The following NAAA variants were observed in gnomAD, a reference collection of about 807,000 sequenced individuals.
NAAA encodes the protein N-acylethanolamine acid amidase.
Under a neutral mutation model 44.8 loss-of-function variants are expected in NAAA, and 39 were observed. The ratio of observed to expected loss-of-function variants is 0.87; its 90% CI spans 0.67 to 1.14. NAAA has a LOEUF of 1.14. Ranked by LOEUF, NAAA falls within the 50% of genes most tolerant of loss-of-function variation. The pLI is 0.00. For missense variants in NAAA, 460 were observed against 467.8 expected (o/e 0.98, Z 0.15); for synonymous variants, 178 against 191.3 (o/e 0.93, Z 0.58).
chr4:75,915,938 A>T (rs1191020633), intron 9 of NAAA, among the ~76,000 whole-genome samples: 1 of 152,214 alleles, frequency 6.6e-6, no homozygotes, highest in Non-Finnish European at 1.5e-5. Context: ...GGTTGTTCAG[A>T]AACAGGCAGA....
chr4:75,926,023 G>T (rs953356222), intron 4 of NAAA, among the ~76,000 whole-genome samples: 3 of 152,156 alleles, frequency 2.0e-5, no homozygotes, highest in Non-Finnish European at 4.4e-5. Flanking sequence ...ATCAAGGGAA[G>T]TGTCTTAATA....
At chr4:75,930,185 A>G (rs1328355787) in intron 4 of NAAA, among the ~76,000 whole-genome samples, 4 of 152,180 alleles carry the variant, frequency 2.6e-5, no homozygotes. Flanking sequence ...CTAAACTTCA[A>G]GATACTCCTT....
intron 1 of NAAA, 94 bp from the exon 2 acceptor site, chr4:75,940,259 G>T: frequency 1.4e-6 from 2 of 1,380,358 alleles, no homozygotes; most frequent in East Asian, 2.4e-5. Context: ...TCCTTAGGGC[G>T]TGAGGTCTCA....
In NAAA at chr4:75,940,090, G is replaced by A. The variant is rs1379233925; in HGVS notation, c.282C>T (p.Pro94=). 1 of 1,614,004 alleles carries A rather than the reference G, an allele frequency of 6.2e-7. No homozygotes were observed. The highest frequency in any genetic ancestry group is 8.5e-7 in the Non-Finnish European group (1 of 1,180,032). ...ACATGCCGCGGATCTCGCCGGTGAA[G>A]GGCTGGGGCAGGAAGCGCTCCAGCT... ...VLELERFLPQ[P]FTGEIRGMCD... is the part of the protein sequence containing the mutation. The change falls in exon 2 of 11, where the codon CCC becomes CCT. Residue 94 remains proline (P), a synonymous_variant. Transcript: ENST00000286733.
chr4:75,921,572 C>T (rs1434042678), intron 5 of NAAA, among the ~76,000 whole-genome samples: 1 of 152,214 alleles, frequency 6.6e-6, no homozygotes, highest in Non-Finnish European at 1.5e-5. Flanking sequence ...GAAAAGTCAA[C>T]AACCAATGGT....
downstream of NAAA, chr4:75,911,273 A>G: frequency 2.0e-6 from 1 of 511,180 alleles, no homozygotes; most frequent in Non-Finnish European, 3.8e-6. Context: ...ATCTGGATGT[A>G]TACGTGCAGG....
intron 5 of NAAA, among the ~76,000 whole-genome samples, chr4:75,925,321 C>T (rs1298967069): frequency 6.6e-6 from 1 of 152,228 alleles, no homozygotes; most frequent in African/African-American, 2.4e-5. Context: ...AGGCGTGAGC[C>T]ACTGCGCCCT....
At chr4:75,923,544 CTTTTTTT>C (rs980320858) in intron 5 of NAAA, among the ~76,000 whole-genome samples, 5 of 143,002 alleles carry the variant, frequency 3.5e-5, no homozygotes, top group East Asian at 2.0e-4. Context: ...CTTCTTTTTT[CTTTTTTT>C]TTTTTTGAGA....
chr4:75,925,542 G>T (rs1393889521), intron 5 of NAAA, among the ~76,000 whole-genome samples, 193 bp downstream of exon 5: 1 of 152,182 alleles, frequency 6.6e-6, no homozygotes, highest in African/African-American at 2.4e-5. Flanking sequence ...ATTACAATCT[G>T]TCCTTACCAC....
intron 2 of NAAA, among the ~76,000 whole-genome samples, chr4:75,938,036 T>C (rs1418358535): frequency 1.3e-5 from 2 of 152,214 alleles, no homozygotes; most frequent in East Asian, 1.9e-4. Flanking sequence ...GAGATTCCCA[T>C]GCTTTTAGCA....
In NAAA at chr4:75,925,745, AGCCAGCTGACG is replaced by A; in HGVS notation, c.645_655del (p.Val216AspfsTer7). The A allele has an allele frequency of 6.2e-7, 1 of 1,614,244 alleles. No homozygotes were observed. The highest frequency in any genetic ancestry group is 1.1e-5 in the South Asian group (1 of 91,088). On this transcript the variant is annotated frameshift_variant, in exon 5 of 11. Transcript: ENST00000286733. LOFTEE classifies it high-confidence loss of function. ...ATTAAATATACTCACAGCGCGGATC[AGCCAGCTGACG>A]GGAATGTGTCTCCGAAACAGGGCAG...
intron 4 of NAAA, among the ~76,000 whole-genome samples, chr4:75,930,092 A>C (rs1364910882): frequency 6.6e-6 from 1 of 152,190 alleles, no homozygotes; most frequent in Non-Finnish European, 1.5e-5. Context: ...TCTCAAAAAA[A>C]CAAAAACAAA....
downstream of NAAA, among the ~76,000 whole-genome samples, chr4:75,912,728 T>G (rs1246138516): frequency 1.3e-5 from 2 of 151,858 alleles, no homozygotes; most frequent in African/African-American, 4.8e-5. Flanking sequence ...GGGCCGAGAT[T>G]GCACCACTGC....
chr4:75,922,354 G>T (rs913656415), intron 5 of NAAA, among the ~76,000 whole-genome samples: 6 of 150,818 alleles, frequency 4.0e-5, no homozygotes, highest in Admixed American at 6.6e-5. Context: ...CTCCAGCCTG[G>T]GTGACAGAGT....
At chr4:75,924,199 C>A (rs1260555083) in intron 5 of NAAA, among the ~76,000 whole-genome samples, 1 of 152,182 alleles carries the variant, frequency 6.6e-6, no homozygotes, top group Non-Finnish European at 1.5e-5. Context: ...TAAGGTATCA[C>A]CCCAGACAAA....
At position 75,940,093 on chromosome 4, in the gene NAAA, C is replaced by G. The variant is rs779155769; in HGVS notation, c.279G>C (p.Gln93His). Residue 93 changes from glutamine to histidine, a missense_variant, in exon 2 of 11, where the codon CAG (glutamine) becomes CAC (histidine). Coordinates refer to ENST00000286733, the MANE Select transcript of NAAA (RefSeq NM_014435.4). ...TGCCGCGGATCTCGCCGGTGAAGGG[C>G]TGGGGCAGGAAGCGCTCCAGCTCCA... ...VVLELERFLP[Q>H]PFTGEIRGMC... 6 of 1,614,014 alleles carry G rather than the reference C, an allele frequency of 3.7e-6. No homozygotes were observed. In the Admixed American group the frequency reaches 5.0e-5, roughly 13 times the overall value.
chr4:75,921,692 A>G (rs866739982), intron 5 of NAAA, among the ~76,000 whole-genome samples: 2 of 152,230 alleles, frequency 1.3e-5, no homozygotes, highest in African/African-American at 4.8e-5. Context: ...GAAGCATCGC[A>G]TGAATTGAAG....
intron 8 of NAAA, chr4:75,919,565 G>A (rs1373775765): frequency 9.2e-6 from 3 of 324,926 alleles, no homozygotes; most frequent in East Asian, 5.6e-5. Flanking sequence ...TGCAAGCTCC[G>A]CCTTCCGGGT....
intron 4 of NAAA, among the ~76,000 whole-genome samples, chr4:75,928,962 T>G (rs1470396225): frequency 6.2e-5 from 4 of 64,458 alleles, no homozygotes; most frequent in South Asian, 3.8e-4. Context: ...TAAATTTGTG[T>G]TTTTTTTTTT....
Sources: gnomAD v4.1 joint callset for allele counts (sites outside exome capture counted in the v4.1 genomes callset) on GRCh38, gnomAD v4.1.1 for gene constraint, MANE v1.5 for transcripts, NCBI Gene and HGNC (gene_info 2026-07-23, HGNC 2026-07-21) for gene names.